LRRTM4: variants seen among roughly 807,000 people sequenced by gnomAD.
The protein encoded by LRRTM4 is leucine rich repeat transmembrane neuronal 4.
A neutral mutation model predicts 47.6 loss-of-function variants in LRRTM4; 25 were observed. The observed-to-expected ratio is 0.53, with a 90% confidence interval of 0.38 to 0.73. LRRTM4 has a LOEUF of 0.73. LRRTM4 is among the 30% of genes least tolerant of loss of function. The pLI is 0.00. For missense variants in LRRTM4, 638 were observed against 713.4 expected (o/e 0.89, Z 1.20); for synonymous variants, 311 against 269.5 (o/e 1.15, Z -1.51).
intron 3 of LRRTM4, among the ~76,000 whole-genome samples, chr2:76,880,197 G>A (rs181040926): frequency 2.7e-4 from 41 of 152,248 alleles, no homozygotes; most frequent in Non-Finnish European, 1.3e-4. Context: ...GGTGAAATGC[G>A]GGTACAGCAT....
At position 77,061,378 on chromosome 2, in the gene LRRTM4, G is replaced by GA. The variant is rs957806294; in HGVS notation, c.1552-312463dup. 5.3e-5 allele frequency among the ~76,000 whole-genome samples: 8 copies of GA among 151,616 alleles called. No individual in the cohort carries two copies. The South Asian group carries it at 6.2e-4, about 12-fold the overall frequency. ...TATTCTGTCTAGTCCACCAAAATCT[G>GA]AAAAAAAAGTGACCTTCAAAACAGA... On this transcript the variant is annotated intron_variant, in intron 3 of 3. Transcript: ENST00000409884.
intron 3 of LRRTM4, among the ~76,000 whole-genome samples, chr2:77,407,630 ATAT>A (rs1017733330): frequency 1.2e-4 from 16 of 135,662 alleles, no homozygotes; most frequent in Middle Eastern, 3.7e-3. Flanking sequence ...AATATATGAT[ATAT>A]TATTATATAA....
intron 3 of LRRTM4, among the ~76,000 whole-genome samples, chr2:77,370,887 G>T (rs937382464): frequency 6.6e-6 from 1 of 151,630 alleles, no homozygotes; most frequent in African/African-American, 2.4e-5. Flanking sequence ...ATGATAAAAG[G>T]AACTGAGGCA....
intron 3 of LRRTM4, among the ~76,000 whole-genome samples, chr2:76,793,296 T>C (rs1675077545): frequency 2.0e-5 from 3 of 152,192 alleles, no homozygotes; most frequent in Admixed American, 2.0e-4. Context: ...GTGTGGGTCA[T>C]GGGTTAGCAA....
At position 77,519,921 on chromosome 2, in the gene LRRTM4, G is replaced by A. The variant is rs535771873; in HGVS notation, c.5-57C>T. 44 of 1,479,214 alleles carry A rather than the reference G, an allele frequency of 3.0e-5. 1 individual carries two copies. In the South Asian group the frequency reaches 3.4e-4, roughly 11 times the overall value. 91.6% of individuals were successfully genotyped at this position (1,479,214 alleles called of 1,614,324 possible). A position where few individuals can be genotyped will look rare whatever the true frequency, so the allele number is the denominator to read the frequency against. On this transcript the variant is annotated intron_variant, in intron 2 of 3. Coordinates refer to ENST00000409884, the MANE Select transcript of LRRTM4 (RefSeq NM_001134745.3). The surrounding 1 kb of genome is among the most constrained non-coding windows in gnomAD (Gnocchi z 4.6). Reference sequence around the variant, plus strand: ...TGTGAAGCTATTAAAATAAATCACCGTCGGTTTACCAACAACAGGGGCATT... The same window carrying A: ...TGTGAAGCTATTAAAATAAATCACCATCGGTTTACCAACAACAGGGGCATT...
At chr2:76,860,511 A>T (rs1328319022) in intron 3 of LRRTM4, among the ~76,000 whole-genome samples, 2 of 152,054 alleles carry the variant, frequency 1.3e-5, no homozygotes, top group East Asian at 3.9e-4. Flanking sequence ...CTTGTGCCAT[A>T]GGTTAGATGA....
chr2:77,329,850 C>A (rs1014051734), intron 3 of LRRTM4, among the ~76,000 whole-genome samples: 1 of 152,164 alleles, frequency 6.6e-6, no homozygotes, highest in Non-Finnish European at 1.5e-5. Context: ...GTAGAAAATT[C>A]TTCCAGATGG....
chr2:77,202,549 A>T (rs1332429079), intron 3 of LRRTM4, among the ~76,000 whole-genome samples: 2 of 148,144 alleles, frequency 1.4e-5, no homozygotes, highest in Non-Finnish European at 3.0e-5. Context: ...AATTTGGATA[A>T]TTTTTTTTTT....
At chr2:77,268,992 A>G (rs1382771991) in intron 3 of LRRTM4, among the ~76,000 whole-genome samples, 1 of 152,136 alleles carries the variant, frequency 6.6e-6, no homozygotes, top group African/African-American at 2.4e-5. Flanking sequence ...GGTGATTCTG[A>G]TGCACACTAT....
chr2:76,970,882 C>A (rs1309482187), intron 3 of LRRTM4, among the ~76,000 whole-genome samples: 1 of 151,966 alleles, frequency 6.6e-6, no homozygotes, highest in African/African-American at 2.4e-5. Context: ...ATGACTGAGA[C>A]AAGAACAGTG....
chr2:77,472,006 T>C (rs1677207550), intron 3 of LRRTM4, among the ~76,000 whole-genome samples: 1 of 152,192 alleles, frequency 6.6e-6, no homozygotes, highest in South Asian at 2.1e-4. Context: ...AAAATTTGTG[T>C]CACCTTCGGG....
At chr2:77,139,211 T>C (rs1341917128) in intron 3 of LRRTM4, among the ~76,000 whole-genome samples, 3 of 152,078 alleles carry the variant, frequency 2.0e-5, no homozygotes, top group Admixed American at 6.5e-5. Context: ...TGAACATTGA[T>C]GCAAAAATCC....
chr2:77,456,456 A>G (rs747851495), intron 3 of LRRTM4, among the ~76,000 whole-genome samples: 1 of 152,126 alleles, frequency 6.6e-6, no homozygotes, highest in African/African-American at 2.4e-5. Context: ...CTCCCTGTCC[A>G]TTTGAAATAG....
At chr2:77,466,059 T>C (rs1179147197) in intron 3 of LRRTM4, among the ~76,000 whole-genome samples, 1 of 152,158 alleles carries the variant, frequency 6.6e-6, no homozygotes, top group Non-Finnish European at 1.5e-5. Flanking sequence ...TCCTTTTATG[T>C]AAGGAGAAAA....
chr2:77,108,664 A>G (rs1671166122), intron 3 of LRRTM4, among the ~76,000 whole-genome samples: 1 of 150,720 alleles, frequency 6.6e-6, no homozygotes, highest in Non-Finnish European at 1.5e-5. Context: ...GCTCACTGCA[A>G]GCTCCGCCTC....
intron 3 of LRRTM4, among the ~76,000 whole-genome samples, chr2:77,454,916 G>A (rs935627529): frequency 2.0e-5 from 3 of 151,754 alleles, no homozygotes; most frequent in Admixed American, 6.6e-5. Context: ...GGCCAGGAGC[G>A]GTGGCTCTCG....
intron 3 of LRRTM4, among the ~76,000 whole-genome samples, chr2:77,050,974 A>G (rs535579348): frequency 6.6e-6 from 1 of 152,222 alleles, no homozygotes; most frequent in South Asian, 2.1e-4. Context: ...AAAAAAGGGT[A>G]ATTAACTTTT....
In LRRTM4 at chr2:77,512,930, T is replaced by C. The variant is rs114073119; in HGVS notation, c.1551+5388A>G. On this transcript the variant is annotated intron_variant, in intron 3 of 3. Transcript: ENST00000409884. ...GGCCATTTATTGTCAGTTTAAAATC[T>C]TTCCTAAATTAGCTATGTCGGTCTT... Among the ~76,000 whole-genome samples, 1,000 of 152,264 alleles carry C rather than the reference T, an allele frequency of 6.6e-3. 8 individuals are homozygous for C. Among genetic ancestry groups the C allele is most frequent in the African/African-American group, 0.023 (944 of 41,574 alleles).
At chr2:77,430,621 T>C (rs1256640068) in intron 3 of LRRTM4, among the ~76,000 whole-genome samples, 10 of 148,364 alleles carry the variant, frequency 6.7e-5, no homozygotes, top group African/African-American at 1.0e-4. Flanking sequence ...CTTGGGAGGC[T>C]GAGGCAGGAG....
Sources: allele counts gnomAD v4.1 joint callset (sites outside exome capture counted in the v4.1 genomes callset), GRCh38; gene constraint gnomAD v4.1.1; non-coding constraint Gnocchi (gnomAD v3.1); transcripts MANE v1.5; gene names NCBI Gene and HGNC (gene_info 2026-07-23, HGNC 2026-07-21).